Variants in TAF1A observed in about 807,000 individuals in gnomAD.
The protein encoded by TAF1A is TATA box-binding protein-associated factor RNA polymerase I subunit A.
Under a neutral mutation model 61.6 loss-of-function variants are expected in TAF1A, and 42 were observed. The observed-to-expected ratio is 0.68, with a 90% confidence interval of 0.53 to 0.88. The LOEUF is 0.88. Ranked by LOEUF, TAF1A falls within the 40% of genes least tolerant of loss-of-function variation. The probability of loss-of-function intolerance (pLI) is 0.00; values close to 1 mark genes in which losing one functional copy is unlikely to be tolerated. For missense variants in TAF1A, 424 were observed against 518.7 expected (o/e 0.82, Z 1.77); for synonymous variants, 179 against 177.7 (o/e 1.01, Z -0.06).
chr1:222,582,838 T>C (rs1660838565), intron 3 of TAF1A, among the ~76,000 whole-genome samples: 1 of 152,210 alleles, frequency 6.6e-6, no homozygotes. Flanking sequence ...AGAAATCATT[T>C]ACAAAAGGCC....
chr1:222,580,825 T>C (rs923042317), intron 3 of TAF1A, among the ~76,000 whole-genome samples: 12 of 150,250 alleles, frequency 8.0e-5, no homozygotes, highest in Non-Finnish European at 1.6e-4. Context: ...TCACCACCAG[T>C]GTACACAGTA....
At chr1:222,557,763 C>G (rs1027161411), downstream of TAF1A, 1 of 152,180 alleles carries the variant, frequency 6.6e-6, no homozygotes. Flanking sequence ...CAGCTGAAAA[C>G]AGCCAGCCCA....
chr1:222,565,755 G>A (rs140147478), intron 7 of TAF1A, among the ~76,000 whole-genome samples: 6 of 152,162 alleles, frequency 3.9e-5, no homozygotes, highest in African/African-American at 1.2e-4. Flanking sequence ...CCAGCTACTC[G>A]GGAGGCTGAG....
intron 5 of TAF1A, among the ~76,000 whole-genome samples, chr1:222,571,841 G>C (rs533808293): frequency 2.2e-4 from 34 of 152,232 alleles, no homozygotes; most frequent in African/African-American, 8.2e-4. Flanking sequence ...AAGTTGACAG[G>C]CTGATTCTAT....
chr1:222,581,543 A>C (rs958756106), intron 3 of TAF1A, among the ~76,000 whole-genome samples: 3 of 152,352 alleles, frequency 2.0e-5, no homozygotes, highest in Admixed American at 1.3e-4. Context: ...TTCTATGTAG[A>C]GAGACAAACA....
intron 6 of TAF1A, 83 bp from the exon 7 acceptor site, chr1:222,569,751 TG>T (rs1660274007): frequency 7.8e-7 from 1 of 1,282,784 alleles, no homozygotes; most frequent in African/African-American, 1.5e-5. Flanking sequence ...AGTTTACTGA[TG>T]GGTATTTTTT....
At chr1:222,572,193 T>A (rs1286977271) in intron 5 of TAF1A, among the ~76,000 whole-genome samples, 2 of 133,942 alleles carry the variant, frequency 1.5e-5, no homozygotes, top group African/African-American at 5.9e-5. Context: ...TACTCCAGCA[T>A]GGGCAACACA....
chr1:222,568,924 C>T (rs757820089), intron 7 of TAF1A: 1 of 153,220 alleles, frequency 6.5e-6, no homozygotes, highest in Non-Finnish European at 1.5e-5. Context: ...TACTAATATA[C>T]ACAATAACAT....
chr1:222,589,151 A>G (rs1661148741), intron 1 of TAF1A, among the ~76,000 whole-genome samples: 1 of 152,182 alleles, frequency 6.6e-6, no homozygotes, highest in South Asian at 2.1e-4. Flanking sequence ...GGGGTGCGGA[A>G]GGTGAGAAAC....
At chr1:222,563,894 A>G (rs887437458) in intron 8 of TAF1A, among the ~76,000 whole-genome samples, 165 bp downstream of exon 8, 2 of 152,198 alleles carry the variant, frequency 1.3e-5, no homozygotes, top group Non-Finnish European at 2.9e-5. Flanking sequence ...CTCTGTCACT[A>G]TAGTGCAAAA....
At chr1:222,581,923 C>A (rs771465945) in intron 3 of TAF1A, among the ~76,000 whole-genome samples, 2 of 152,082 alleles carry the variant, frequency 1.3e-5, no homozygotes, top group African/African-American at 4.8e-5. Context: ...AAATTGTTTC[C>A]GCTTTTTAAA....
chr1:222,575,241 C>T (rs574947797), intron 5 of TAF1A, among the ~76,000 whole-genome samples: 1 of 152,014 alleles, frequency 6.6e-6, no homozygotes, highest in Non-Finnish European at 1.5e-5. Flanking sequence ...AAAAAAAGGG[C>T]TGGGCATGGT....
At chr1:222,577,700 A>G (rs1008118724) in intron 4 of TAF1A, 57 bp from the exon 5 acceptor site, 85 of 1,452,704 alleles carry the variant, frequency 5.9e-5, no homozygotes, top group Admixed American at 1.2e-4. Flanking sequence ...CATTAGTCAA[A>G]AAGCTCAGTA....
chr1:222,573,767 A>T (rs1483117332), intron 5 of TAF1A, among the ~76,000 whole-genome samples: 1 of 152,208 alleles, frequency 6.6e-6, no homozygotes, highest in African/African-American at 2.4e-5. Context: ...AAGAGAAATA[A>T]AAACACATGT....
At position 222,587,643 on chromosome 1, in the gene TAF1A, G is replaced by C. The variant is rs1661066299; in HGVS notation, c.121+800C>G. On this transcript the variant is annotated intron_variant, in intron 2 of 10. Transcript: ENST00000352967. ...TACTTATATTAAATATATTCTTATAGGGAATTTATCCCATAGAAAAACATA... is the reference window on the plus strand; with the variant it reads ...TACTTATATTAAATATATTCTTATACGGAATTTATCCCATAGAAAAACATA... 3.3e-5 allele frequency among the ~76,000 whole-genome samples: 5 copies of C among 152,166 alleles called. No individual in the cohort carries two copies. In the South Asian group the frequency reaches 8.3e-4, roughly 25 times the overall value.
At chr1:222,584,320 A>C in intron 2 of TAF1A, 23 bp from the exon 3 acceptor site, 1 of 1,565,426 alleles carries the variant, frequency 6.4e-7, no homozygotes, top group South Asian at 1.2e-5. Context: ...AAAAGAAGAG[A>C]GTTTTTATCC....
intron 2 of TAF1A, among the ~76,000 whole-genome samples, chr1:222,584,705 T>C (rs1660942861): frequency 1.3e-5 from 2 of 152,272 alleles, no homozygotes; most frequent in Middle Eastern, 6.8e-3. Context: ...AAACCCCAAG[T>C]GGGCTTTTAT....
Position 222,563,291 on chromosome 1 carries a change from C to G in TAF1A, c.967G>C (p.Glu323Gln). 1 of 1,611,986 alleles carries G rather than the reference C, an allele frequency of 6.2e-7. No individual in the cohort carries two copies. Among genetic ancestry groups the G allele is most frequent in the Non-Finnish European group, 8.5e-7 (1 of 1,179,272 alleles). ...FHTLLRKSEK[E>Q]EHRKLGLEVL... ...TCCAACCCCAGTTTACGGTGTTCTT[C>G]TTTTTCTGCAATGGTTTTAACAGTT... Residue 323 changes from glutamate (E) to glutamine (Q), a missense_variant, in exon 9 of 11, where the codon GAA becomes CAA. Glu to Gln is a conservative substitution (Grantham distance 29). Transcript: ENST00000352967.
At chr1:222,575,258 C>T (rs762974030) in intron 5 of TAF1A, among the ~76,000 whole-genome samples, 6 of 151,944 alleles carry the variant, frequency 3.9e-5, no homozygotes, top group Admixed American at 1.3e-4. Flanking sequence ...TGGTGGTTCA[C>T]GCCTGTAATC....
Sources: allele counts gnomAD v4.1 joint callset (sites outside exome capture counted in the v4.1 genomes callset), GRCh38; gene constraint gnomAD v4.1.1; transcripts MANE v1.5; gene names NCBI Gene and HGNC (gene_info 2026-07-23, HGNC 2026-07-21).